DSCAM: variants seen among roughly 807,000 people sequenced by gnomAD.
DSCAM encodes the protein cell adhesion molecule DSCAM.
DSCAM carries 47 observed loss-of-function variants against 217.7 expected under a neutral mutation model. The observed-to-expected ratio is 0.22, with a 90% CI of 0.17 to 0.28. The LOEUF is 0.28. Among genes scored for constraint, DSCAM ranks in the 10% least tolerant of loss-of-function variants. The pLI is 1.00. For missense variants in DSCAM, 2,080 were observed against 2,618.3 expected (o/e 0.79, Z 4.49); for synonymous variants, 1,056 against 1,015.3 (o/e 1.04, Z -0.76).
chr21:40,174,001 G>A lies in DSCAM; in HGVS notation c.2947+4926C>T, dbSNP rs76160387. Among the ~76,000 whole-genome samples the A allele has an allele frequency of 1.7e-3, 262 of 152,326 alleles. 6 individuals are homozygous for A. The East Asian group carries it at 0.038, about 22-fold the overall frequency. ...GGCACTAAGTGACTCATGACCTGCA[G>A]GGGGCAGCTGCTAATGGGGAAGTTG... is the stretch of plus-strand genomic sequence containing the variant. On this transcript the variant is annotated intron_variant, in intron 15 of 32. Transcript: ENST00000400454.
chr21:40,206,635 C>T (rs1382815284), intron 11 of DSCAM, among the ~76,000 whole-genome samples: 1 of 151,396 alleles, frequency 6.6e-6, no homozygotes, highest in Non-Finnish European at 1.5e-5. Context: ...TTTAAAAATC[C>T]CAATAATGTG....
At chr21:40,322,114 T>C (rs1030758161) in intron 8 of DSCAM, among the ~76,000 whole-genome samples, 2 of 152,226 alleles carry the variant, frequency 1.3e-5, no homozygotes, top group Non-Finnish European at 2.9e-5. Flanking sequence ...ATTGTGTTGA[T>C]GTCTGCATTT....
chr21:40,417,931 C>T (rs890336829), intron 3 of DSCAM, among the ~76,000 whole-genome samples: 2 of 152,110 alleles, frequency 1.3e-5, no homozygotes, highest in African/African-American at 4.8e-5. Flanking sequence ...GGTGAGGCTC[C>T]AAATTATGAA....
At chr21:40,041,970 C>T (rs1169987357) in intron 32 of DSCAM, among the ~76,000 whole-genome samples, 3 of 152,128 alleles carry the variant, frequency 2.0e-5, no homozygotes, top group Non-Finnish European at 4.4e-5. Context: ...CCAGGCCCAA[C>T]CTAAGGAAAC....
chr21:40,481,252 G>A (rs1259256313), intron 3 of DSCAM, among the ~76,000 whole-genome samples: 1 of 152,164 alleles, frequency 6.6e-6, no homozygotes. Context: ...CACTTTGGGA[G>A]GCCGAAGCAG....
Position 40,124,148 on chromosome 21 carries a change from C to G in DSCAM, c.3696+47G>C, listed in dbSNP as rs551502286. 6 of 1,611,134 alleles carry G rather than the reference C, an allele frequency of 3.7e-6. No homozygotes were observed. The East Asian group carries it at 6.7e-5, about 18-fold the overall frequency. On this transcript the variant is annotated intron_variant, in intron 20 of 32. Coordinates refer to ENST00000400454, the MANE Select transcript of DSCAM (RefSeq NM_001389.5). ...CTGTCCAGTGCGAGCACCTGCAGCT[C>G]GTCCCTGGCAGACGCTTGAAAGGCA...
At chr21:40,116,456 C>A (rs571487219) in intron 20 of DSCAM, among the ~76,000 whole-genome samples, 3 of 152,182 alleles carry the variant, frequency 2.0e-5, no homozygotes, top group South Asian at 2.1e-4. Context: ...TTAGATGTAG[C>A]CTTGCCTCAA....
chr21:40,523,939 C>T (rs150812308), intron 3 of DSCAM, among the ~76,000 whole-genome samples: 1 of 152,074 alleles, frequency 6.6e-6, no homozygotes, highest in Admixed American at 6.6e-5. Context: ...ACCGAAAACA[C>T]GAGCCACACC....
chr21:40,291,346 T>C (rs74343411), intron 10 of DSCAM, among the ~76,000 whole-genome samples: 164 of 152,302 alleles, frequency 1.1e-3, no homozygotes, highest in African/African-American at 3.7e-3. Flanking sequence ...CTCTCTCCAA[T>C]TACCCAGCTA....
chr21:40,158,121 A>G (rs1257507331), intron 16 of DSCAM, among the ~76,000 whole-genome samples: 2 of 152,226 alleles, frequency 1.3e-5, no homozygotes, highest in African/African-American at 4.8e-5. Flanking sequence ...ACAGTGGCTC[A>G]TGCCTGTAAT....
At position 40,013,809 on chromosome 21, in the gene DSCAM, G is replaced by A. The variant is rs1051004673; in HGVS notation, c.5687-423C>T. ...GAGGAGAGAGCCAGGGACGCCAAGCGAAGATGGACAGCTGGCTCTCGTCCT... is the reference window on the plus strand; with the variant it reads ...GAGGAGAGAGCCAGGGACGCCAAGCAAAGATGGACAGCTGGCTCTCGTCCT... On this transcript the variant is annotated intron_variant, in intron 32 of 32. Coordinates refer to ENST00000400454, the MANE Select transcript of DSCAM (RefSeq NM_001389.5). 7.2e-5 allele frequency among the ~76,000 whole-genome samples: 11 copies of A among 152,328 alleles called. No homozygotes were observed. In the South Asian group the frequency reaches 1.0e-3, roughly 14 times the overall value.
chr21:40,124,176 T>C lies in DSCAM; in HGVS notation c.3696+19A>G, dbSNP rs577125772. On this transcript the variant is annotated intron_variant, in intron 20 of 32. Coordinates refer to ENST00000400454, the MANE Select transcript of DSCAM (RefSeq NM_001389.5). ...CCCTGGCAGACGCTTGAAAGGCACTTGGTTATTTACCAACTTACTGTGGGA... is the reference window on the plus strand; with the variant it reads ...CCCTGGCAGACGCTTGAAAGGCACTCGGTTATTTACCAACTTACTGTGGGA... The C allele has an allele frequency of 3.1e-6, 5 of 1,613,686 alleles. No homozygotes were observed. The African/African-American group carries it at 5.3e-5, about 17-fold the overall frequency.
chr21:40,554,346 A>C (rs937828065), intron 3 of DSCAM, among the ~76,000 whole-genome samples: 21 of 152,154 alleles, frequency 1.4e-4, no homozygotes, highest in African/African-American at 5.1e-4. Context: ...TCATTCTTAC[A>C]AAAATGGAAA....
intron 20 of DSCAM, among the ~76,000 whole-genome samples, chr21:40,113,002 T>C (rs1035002755): frequency 2.6e-5 from 4 of 152,186 alleles, no homozygotes; most frequent in African/African-American, 7.2e-5. Flanking sequence ...GAGGAGCTGG[T>C]ACCATTCCTT....
intron 1 of DSCAM, among the ~76,000 whole-genome samples, chr21:40,759,897 C>A (rs1025008557): frequency 6.6e-6 from 1 of 152,068 alleles, no homozygotes; most frequent in Non-Finnish European, 1.5e-5. Flanking sequence ...GGGGAGGTGA[C>A]GAGAGGGGCA....
intron 3 of DSCAM, among the ~76,000 whole-genome samples, chr21:40,644,658 G>T (rs747793649): frequency 6.0e-4 from 91 of 152,354 alleles, no homozygotes; most frequent in Non-Finnish European, 9.6e-4. Context: ...AAACCCTAAA[G>T]AACATTGCAT....
At chr21:40,182,539 ACAGAGAAACCGTGGACAGGAGGGAGGTAC>A (rs2090819663) in intron 14 of DSCAM, among the ~76,000 whole-genome samples, 1 of 149,610 alleles carries the variant, frequency 6.7e-6, no homozygotes, top group African/African-American at 2.5e-5. Context: ...GCAGAGGCCA[ACAGAGAAACCGTGGACAGGAGGGAGGTAC>A]CAGAGAAACT....
chr21:40,459,059 C>A (rs555092475), intron 3 of DSCAM, among the ~76,000 whole-genome samples: 10 of 151,732 alleles, frequency 6.6e-5, no homozygotes, highest in African/African-American at 2.2e-4. Context: ...AAGCATCCAA[C>A]TAAAAGAACT....
intron 16 of DSCAM, among the ~76,000 whole-genome samples, chr21:40,147,430 T>C (rs1272523298): frequency 6.6e-6 from 1 of 152,150 alleles, no homozygotes; most frequent in African/African-American, 2.4e-5. Flanking sequence ...ACAACGCAGG[T>C]GTTTTTGTTC....
Sources: gnomAD v4.1 joint callset for allele counts (sites outside exome capture counted in the v4.1 genomes callset) on GRCh38, gnomAD v4.1.1 for gene constraint, MANE v1.5 for transcripts, NCBI Gene and HGNC (gene_info 2026-07-23, HGNC 2026-07-21) for gene names.